Variants in SLC2A14 observed in about 807,000 individuals in gnomAD.
SLC2A14 encodes the protein solute carrier family 2, facilitated glucose transporter member 14.
SLC2A14 carries 13 observed loss-of-function variants against 43.0 expected under a neutral mutation model. That is an observed-to-expected ratio of 0.30 (90% confidence interval 0.20 to 0.48). SLC2A14 has a LOEUF of 0.48. SLC2A14 is among the 20% of genes least tolerant of loss of function. SLC2A14 has a pLI of 0.99. For missense variants in SLC2A14, 428 were observed against 620.4 expected (o/e 0.69, Z 3.29); for synonymous variants, 190 against 233.8 (o/e 0.81, Z 1.71).
chr12:7,885,448 A>G (rs983356488), intron 1 of SLC2A14, among the ~76,000 whole-genome samples: 6 of 152,066 alleles, frequency 3.9e-5, no homozygotes, highest in Non-Finnish European at 8.8e-5. Flanking sequence ...CTGGGCAACA[A>G]GAGCGAAACT....
intron 2 of SLC2A14, among the ~76,000 whole-genome samples, chr12:7,866,236 A>AG (rs1375654640): frequency 4.0e-5 from 6 of 151,524 alleles, no homozygotes; most frequent in Non-Finnish European, 4.4e-5. Context: ...AAAAAAAAAA[A>AG]AAAAAAGAAA....
At chr12:7,826,909 C>CTTTCTTT (rs1555121677) in intron 7 of SLC2A14, among the ~76,000 whole-genome samples, 1 of 81,174 alleles carries the variant, frequency 1.2e-5, no homozygotes, top group East Asian at 4.0e-4. Context: ...TTCTTTCTTT[C>CTTTCTTT]TTTCTTTTTC....
Position 7,831,628 on chromosome 12 carries a change from C to T in SLC2A14, c.248G>A (p.Gly83Glu), listed in dbSNP as rs746537796. 5 of 1,614,042 alleles carry T rather than the reference C, an allele frequency of 3.1e-6. No individual in the cohort carries two copies. In the Admixed American group the frequency reaches 8.3e-5, roughly 27 times the overall value. The change falls in exon 4 of 11, where the codon GGA becomes GAA. Residue 83 changes from glycine (G) to glutamate (E), a missense_variant. Coordinates refer to ENST00000431042, the MANE Select transcript of SLC2A14 (RefSeq NM_001286234.2). ...VGGMIGSFSV[G>E]LFVNRFGRRN... ...CCTGCCAAAGCGGTTAACAAAGAGTCCGACGGAAAAGGAGCCGATCATACC... is the reference window on the plus strand; with the variant it reads ...CCTGCCAAAGCGGTTAACAAAGAGTTCGACGGAAAAGGAGCCGATCATACC...
chr12:7,874,952 ATTT>A (rs1945420814), upstream of SLC2A14, among the ~76,000 whole-genome samples: 2 of 5,620 alleles, frequency 3.6e-4, no homozygotes, highest in East Asian at 1.7e-3. Flanking sequence ...ATATAAATAT[ATTT>A]ATATATAAAT....
intron 2 of SLC2A14, among the ~76,000 whole-genome samples, chr12:7,853,967 C>A (rs1356806955): frequency 6.6e-6 from 1 of 152,140 alleles, no homozygotes; most frequent in South Asian, 2.1e-4. Flanking sequence ...ACTGCAAGAA[C>A]TTTCTGATAA....
chr12:7,874,824 A>C (rs1945401324), upstream of SLC2A14, among the ~76,000 whole-genome samples: 1 of 81,388 alleles, frequency 1.2e-5, no homozygotes, highest in African/African-American at 3.9e-5. Context: ...ATTTATATAT[A>C]AATTATATAT....
chr12:7,832,909 T>G (rs778963436), intron 2 of SLC2A14, 95 bp from the exon 3 acceptor site: 24 of 1,250,024 alleles, frequency 1.9e-5, no homozygotes, highest in Non-Finnish European at 2.4e-5. Context: ...TAGGAGAATC[T>G]GACCTATGAG....
intron 7 of SLC2A14, 117 bp downstream of exon 7, chr12:7,827,378 C>G (rs189721657): frequency 4.9e-6 from 7 of 1,437,638 alleles, no homozygotes. Context: ...CGGGTTCAAG[C>G]GATTCTCCTG....
chr12:7,885,961 T>C (rs1298864580), intron 1 of SLC2A14, among the ~76,000 whole-genome samples: 1 of 151,924 alleles, frequency 6.6e-6, no homozygotes, highest in Non-Finnish European at 1.5e-5. Context: ...GTTCACTATG[T>C]AAGTTTGAAA....
chr12:7,821,417 A>G (rs1451027406), intron 7 of SLC2A14, 92 bp from the exon 8 acceptor site: 10 of 1,137,060 alleles, frequency 8.8e-6, no homozygotes, highest in Non-Finnish European at 1.3e-5. Context: ...GCGTGGTTGC[A>G]CAGGCCTGTA....
intron 1 of SLC2A14, among the ~76,000 whole-genome samples, chr12:7,885,932 T>G (rs1218486506): frequency 6.6e-6 from 1 of 152,092 alleles, no homozygotes; most frequent in Non-Finnish European, 1.5e-5. Flanking sequence ...TAGATACATA[T>G]GTGAAGATTT....
At chr12:7,865,676 A>C (rs769402577) in intron 2 of SLC2A14, among the ~76,000 whole-genome samples, 1 of 152,254 alleles carries the variant, frequency 6.6e-6, no homozygotes, top group African/African-American at 2.4e-5. Flanking sequence ...CTATTTCCTG[A>C]GACAATAATA....
At chr12:7,854,182 C>T (rs1398397462) in intron 2 of SLC2A14, among the ~76,000 whole-genome samples, 1 of 151,984 alleles carries the variant, frequency 6.6e-6, no homozygotes, top group Non-Finnish European at 1.5e-5. Flanking sequence ...AAGGAGAAGT[C>T]CTGTTTATCT....
In SLC2A14 at chr12:7,864,505, A is replaced by C. The variant is rs778954547; in HGVS notation, c.18+5358T>G. Among the ~76,000 whole-genome samples the C allele has an allele frequency of 2.6e-5, 4 of 151,816 alleles. No individual in the cohort carries two copies. The East Asian group carries it at 7.8e-4, about 30-fold the overall frequency. On this transcript the variant is annotated intron_variant, in intron 2 of 10. Coordinates refer to ENST00000431042, the MANE Select transcript of SLC2A14 (RefSeq NM_001286234.2). Reference sequence around the variant, plus strand: ...AGGTGCGCACCACCATGCCTGGCTAATTTTTTGTATTTTTAGTAGAGACGG... The same window carrying C: ...AGGTGCGCACCACCATGCCTGGCTACTTTTTTGTATTTTTAGTAGAGACGG...
Position 7,872,005 on chromosome 12 carries a change from T to C in SLC2A14, c.-58+802A>G, listed in dbSNP as rs1383323887. The C allele has an allele frequency of 1.2e-5, 7 of 587,768 alleles. No homozygotes were observed. The South Asian group carries it at 3.0e-4, about 25-fold the overall frequency. 36.4% of individuals were successfully genotyped at this position (587,768 alleles called of 1,614,324 possible). On this transcript the variant is annotated intron_variant, in intron 1 of 10. Transcript: ENST00000431042. ...AAGAAAAAAAAAGTAAGGTACTATT[T>C]ATTTATCTGTAAAATTAACTCAGAT...
intron 1 of SLC2A14, among the ~76,000 whole-genome samples, chr12:7,888,637 A>C (rs1945724379): frequency 6.6e-6 from 1 of 151,838 alleles, no homozygotes; most frequent in Non-Finnish European, 1.5e-5. Flanking sequence ...GTCTCTACTA[A>C]AAATACAAAA....
At chr12:7,846,662 C>T (rs902851921) in intron 2 of SLC2A14, among the ~76,000 whole-genome samples, 1 of 148,868 alleles carries the variant, frequency 6.7e-6, no homozygotes, top group African/African-American at 2.5e-5. Context: ...GATGGAGTCT[C>T]GCTCTGTCAC....
At chr12:7,866,593 T>C (rs1160881958) in intron 2 of SLC2A14, among the ~76,000 whole-genome samples, 2 of 152,156 alleles carry the variant, frequency 1.3e-5, no homozygotes, top group Non-Finnish European at 2.9e-5. Context: ...CTAGAAATCC[T>C]GGCCTCAGGT....
Position 7,827,597 on chromosome 12 carries a change from C to T in SLC2A14, c.762G>A (p.Lys254=). 4 of 1,613,238 alleles carry T rather than the reference C, an allele frequency of 2.5e-6. No individual in the cohort carries two copies. Among genetic ancestry groups the T allele is most frequent in the East Asian group, 2.2e-5 (1 of 44,856 alleles). ...KDESARMSQE[K]QVTVLELFRV... The stretch of plus-strand genomic sequence containing the variant: ...TAAAGAGCTCCAGCACGGTGACTTG[C>T]TTTTCTTGTGACATCCTTGCACTCT... The change falls in exon 7 of 11, where the codon AAG becomes AAA. Residue 254 remains lysine, a synonymous_variant. Coordinates refer to ENST00000431042, the MANE Select transcript of SLC2A14 (RefSeq NM_001286234.2).
Sources: gnomAD v4.1 joint callset for allele counts (sites outside exome capture counted in the v4.1 genomes callset) on GRCh38, gnomAD v4.1.1 for gene constraint, MANE v1.5 for transcripts, NCBI Gene and HGNC (gene_info 2026-07-23, HGNC 2026-07-21) for gene names.